GCFC2: variants seen among roughly 807,000 people sequenced by gnomAD.
The protein encoded by GCFC2 is GC-rich sequence DNA-binding factor 2.
A neutral mutation model predicts 99.4 loss-of-function variants in GCFC2; 102 were observed. That is an observed-to-expected ratio of 1.03 (90% CI 0.87 to 1.21). The LOEUF is 1.21. GCFC2 is among the 50% of genes most tolerant of loss of function. The pLI is 0.00. For missense variants in GCFC2, 973 were observed against 920.9 expected (o/e 1.06, Z -0.73); for synonymous variants, 338 against 316.8 (o/e 1.07, Z -0.71).
rs374713738 is a variant in GCFC2 at position 75,702,419 on chromosome 2, C to T, written c.399G>A (p.Lys133=). 1 of 1,612,198 alleles carries T rather than the reference C, an allele frequency of 6.2e-7. No homozygotes were observed. The highest frequency in any genetic ancestry group is 8.5e-7 in the Non-Finnish European group (1 of 1,178,780). ...LGEKELSSTV[K]IPDAAFIQAA... is the part of the protein sequence containing the mutation. ...CCTGAATAAAAGCTGCATCTGGGAT[C>T]TTAACTGAAGGAAACAAAGACGAGG... The change falls in exon 3 of 17, where the codon AAG becomes AAA. Residue 133 remains lysine (K), a synonymous_variant. Coordinates refer to ENST00000321027, the MANE Select transcript of GCFC2 (RefSeq NM_003203.5).
At chr2:75,670,344 C>CT in intron 14 of GCFC2, 60 bp from the exon 15 acceptor site, 9 of 1,196,132 alleles carry the variant, frequency 7.5e-6, no homozygotes, top group Non-Finnish European at 9.8e-6. Context: ...GTAATAGTCT[C>CT]TAACAAACAT....
chr2:75,697,654 C>T (rs1194090317), intron 4 of GCFC2: 1 of 152,214 alleles, frequency 6.6e-6, no homozygotes, highest in Non-Finnish European at 1.5e-5. Context: ...CCCATGAAAA[C>T]ATGTTCACAT....
chr2:75,700,662 AT>A lies in GCFC2; in HGVS notation c.717+527del, dbSNP rs1321298612. ...TACTATAAAATTAAAGATTAAAAAA[AT>A]AGTACCCTCAAGTGGAAGGTATTTA... is the stretch of plus-strand genomic sequence containing the variant. On this transcript the variant is annotated intron_variant, in intron 4 of 16. Transcript: ENST00000321027. Among the ~76,000 whole-genome samples, 10 of 152,346 alleles carry A rather than the reference AT, an allele frequency of 6.6e-5. No individual in the cohort carries two copies. In the East Asian group the frequency reaches 1.5e-3, roughly 23 times the overall value.
At chr2:75,679,170 GC>G (rs767422714) in intron 12 of GCFC2, among the ~76,000 whole-genome samples, 1 of 152,154 alleles carries the variant, frequency 6.6e-6, no homozygotes, top group Admixed American at 6.5e-5. Context: ...GAGATTACAT[GC>G]TTCTTGAAGG....
At chr2:75,701,840 T>C in intron 3 of GCFC2, 2 of 969,274 alleles carry the variant, frequency 2.1e-6, no homozygotes, top group Non-Finnish European at 2.5e-6. Context: ...AAGATTTTAA[T>C]ACATGACATC....
At chr2:75,665,508 A>G (rs912062410) in intron 16 of GCFC2, among the ~76,000 whole-genome samples, 2 of 152,126 alleles carry the variant, frequency 1.3e-5, no homozygotes, top group Non-Finnish European at 2.9e-5. Context: ...ATACCACTGT[A>G]TTTAAGCCCC....
rs1335031982 is a variant in GCFC2, at chr2:75,706,552, G to A, written c.365C>T (p.Ser122Phe). The A allele has an allele frequency of 1.2e-6, 2 of 1,603,994 alleles. No individual in the cohort carries two copies. The highest frequency in any genetic ancestry group is 1.1e-5 in the South Asian group (1 of 90,434). The stretch of plus-strand genomic sequence containing the variant: ...TGATGAAAGTTCTTTTTCTCCAAGA[G>A]AGCTAGAACTGTCAGAAGACAAACC... The part of the protein sequence containing the change: ...DQGLSSDSSS[S>F]LGEKELSSTV... Residue 122 changes from serine (S) to phenylalanine (F), a missense_variant, in exon 2 of 17, where the codon TCT becomes TTT. By Grantham distance (155) the Ser-to-Phe change is radical. Transcript: ENST00000321027.
upstream of GCFC2, among the ~76,000 whole-genome samples, chr2:75,712,198 C>A (rs1325245285): frequency 1.7e-5 from 2 of 115,188 alleles, no homozygotes; most frequent in Non-Finnish European, 4.3e-5. Flanking sequence ...CTGTATCTAG[C>A]TGCTCTGGTG....
At chr2:75,707,404 CAAGA>C (rs1411677467) in intron 1 of GCFC2, among the ~76,000 whole-genome samples, 1 of 152,096 alleles carries the variant, frequency 6.6e-6, no homozygotes, top group African/African-American at 2.4e-5. Context: ...ACATTATTGA[CAAGA>C]AAGGATTTCT....
intron 11 of GCFC2, among the ~76,000 whole-genome samples, chr2:75,686,136 TA>T (rs1281152265): frequency 6.6e-6 from 1 of 152,212 alleles, no homozygotes; most frequent in African/African-American, 2.4e-5. Context: ...GCAGAGTGCT[TA>T]AACTAGGCAC....
Position 75,665,945 on chromosome 2 carries a change from A to G in GCFC2, c.2212T>C (p.Ser738Pro), listed in dbSNP as rs1274861988. 3 of 1,590,934 alleles carry G rather than the reference A, an allele frequency of 1.9e-6. No individual in the cohort carries two copies. ...QFLLQSAHKL[S>P]RSEFRDEVEE... ...ATGCATTACCTGAATTCACTTCTAGATAATTTATGTGCAGACTGCAATAAA... is the reference window on the plus strand; with the variant it reads ...ATGCATTACCTGAATTCACTTCTAGGTAATTTATGTGCAGACTGCAATAAA... Residue 738 changes from serine (S) to proline (P), a missense_variant, in exon 16 of 17, where the codon TCT becomes CCT. Ser to Pro is a moderately conservative substitution (Grantham distance 74). Coordinates refer to ENST00000321027, the MANE Select transcript of GCFC2 (RefSeq NM_003203.5).
chr2:75,704,003 A>C (rs527262739), intron 2 of GCFC2, among the ~76,000 whole-genome samples: 15 of 152,214 alleles, frequency 9.9e-5, no homozygotes, highest in Non-Finnish European at 1.8e-4. Flanking sequence ...GTAACTGCTC[A>C]AGTAAAAATA....
chr2:75,684,993 A>G (rs1019514697), intron 11 of GCFC2, among the ~76,000 whole-genome samples: 2 of 152,150 alleles, frequency 1.3e-5, no homozygotes, highest in African/African-American at 2.4e-5. Flanking sequence ...GTTCTCACTC[A>G]TAAGTGGGAG....
chr2:75,668,936 C>A (rs1678968172), intron 15 of GCFC2, among the ~76,000 whole-genome samples: 1 of 152,086 alleles, frequency 6.6e-6, no homozygotes, highest in Non-Finnish European at 1.5e-5. Flanking sequence ...TGAATGGTGC[C>A]CCTGCAATGA....
chr2:75,711,965 C>T (rs945447737), upstream of GCFC2, among the ~76,000 whole-genome samples: 2 of 152,256 alleles, frequency 1.3e-5, no homozygotes, highest in Admixed American at 6.5e-5. Context: ...TACGAGCGCA[C>T]GGCGCCGGAC....
Position 75,687,949 on chromosome 2 carries a change from G to A in GCFC2, c.1568C>T (p.Pro523Leu). 1.3e-6 allele frequency: 2 copies of A among 1,595,974 alleles called. No individual in the cohort carries two copies. The highest frequency in any genetic ancestry group is 2.3e-5 in the South Asian group (2 of 88,148). The change falls in exon 11 of 17, where the codon CCA becomes CTA. Residue 523 changes from proline (P) to leucine (L), a missense_variant. By Grantham distance (98) the Pro-to-Leu change is moderately conservative. Coordinates refer to ENST00000321027, the MANE Select transcript of GCFC2 (RefSeq NM_003203.5). ...KLESTGLKEMPWFKSVEEFMD... is the reference protein window; with the variant it reads ...KLESTGLKEMLWFKSVEEFMD... ...AAATTCTTCTACAGATTTGAACCAT[G>A]GCATCTCTTTTAAACCTGTGGATTC...
At chr2:75,682,865 A>G (rs1441551052) in intron 11 of GCFC2, among the ~76,000 whole-genome samples, 1 of 151,912 alleles carries the variant, frequency 6.6e-6, no homozygotes, top group African/African-American at 2.4e-5. Flanking sequence ...GATCACCTCA[A>G]TGAAATAAAG....
chr2:75,681,022 G>T (rs1391908714), intron 11 of GCFC2, among the ~76,000 whole-genome samples: 2 of 152,170 alleles, frequency 1.3e-5, no homozygotes, highest in Non-Finnish European at 2.9e-5. Flanking sequence ...CCTGTTCCCA[G>T]AACACTGTCC....
chr2:75,667,554 C>CCTCA (rs200111583), intron 15 of GCFC2, among the ~76,000 whole-genome samples: 3,965 of 152,290 alleles, frequency 0.026, 187 homozygotes, highest in African/African-American at 0.091. Context: ...CACTGACTGC[C>CCTCA]TAAGGCAGAA....
Sources: gnomAD v4.1 joint callset for allele counts (sites outside exome capture counted in the v4.1 genomes callset) on GRCh38, gnomAD v4.1.1 for gene constraint, MANE v1.5 for transcripts, NCBI Gene and HGNC (gene_info 2026-07-23, HGNC 2026-07-21) for gene names.